NLGN4X: variants seen among roughly 807,000 people sequenced by gnomAD.
NLGN4X encodes the protein neuroligin-4, X-linked.
Under a neutral mutation model 40.3 loss-of-function variants are expected in NLGN4X, and 3 were observed. That is an observed-to-expected ratio of 0.07 (90% CI 0.03 to 0.19). The LOEUF is 0.19. Among genes scored for constraint, NLGN4X ranks in the 10% least tolerant of loss-of-function variants. NLGN4X has a pLI of 1.00. For missense variants in NLGN4X, 382 were observed against 708.3 expected, an observed-to-expected ratio of 0.54 and a Z score of 5.23; for synonymous variants, 270 against 306.8, an observed-to-expected ratio of 0.88 and a Z score of 1.25.
chrX:6,150,401 C>A (rs185685832), intron 2 of NLGN4X, among the ~76,000 whole-genome samples: 1 of 112,083 alleles, frequency 8.9e-6, no homozygotes, highest in Non-Finnish European at 1.9e-5. Flanking sequence ...TTACATTTTG[C>A]CACTTGATTG....
chrX:6,021,197 C>T (rs1286331429), intron 3 of NLGN4X, among the ~76,000 whole-genome samples: 1 of 107,084 alleles, frequency 9.3e-6, no homozygotes, highest in African/African-American at 3.4e-5. Context: ...CCACCTTGGC[C>T]TCCCACAGTG....
At chrX:6,122,299 C>T (rs1284864047) in intron 2 of NLGN4X, among the ~76,000 whole-genome samples, 2 of 111,579 alleles carry the variant, frequency 1.8e-5, no homozygotes, top group Non-Finnish European at 3.8e-5. Context: ...AGTGCAGTGG[C>T]ACAATCTCTG....
intron 3 of NLGN4X, among the ~76,000 whole-genome samples, chrX:5,961,182 G>C (rs1196351280): frequency 9.0e-6 from 1 of 111,325 alleles, no homozygotes; most frequent in African/African-American, 3.3e-5. Flanking sequence ...TTTAAACAAA[G>C]ATACAATAAT....
chrX:6,005,366 T>G, intron 3 of NLGN4X, among the ~76,000 whole-genome samples: 1 of 111,790 alleles, frequency 8.9e-6, no homozygotes, highest in Non-Finnish European at 1.9e-5. Flanking sequence ...ACATGCCATC[T>G]GGGTGCCAAC....
intron 1 of NLGN4X, among the ~76,000 whole-genome samples, chrX:6,213,260 A>G (rs1924778954): frequency 9.0e-6 from 1 of 111,677 alleles, no homozygotes; most frequent in Admixed American, 9.5e-5. Flanking sequence ...CCTGTCTAAA[A>G]CATCAGACTG....
intron 2 of NLGN4X, among the ~76,000 whole-genome samples, chrX:6,053,152 G>A (rs2037534445): frequency 8.9e-6 from 1 of 111,789 alleles, no homozygotes; most frequent in African/African-American, 3.3e-5. Flanking sequence ...CTGAAGCTGC[G>A]CTGTCTGCCA....
intron 2 of NLGN4X, among the ~76,000 whole-genome samples, chrX:6,064,930 G>T (rs5915631): frequency 0.41 from 44,989 of 109,857 alleles, 6,963 homozygotes; most frequent in Admixed American, 0.47. Flanking sequence ...ATACTATATA[G>T]CCATAAAAAG....
Position 5,893,465 on chromosome X carries a change from G to A in NLGN4X, c.1803C>T (p.Asn601=), listed in dbSNP as rs763534276. ...LELVPHLHNL[N]EIFQYVSTTT... is the part of the protein sequence containing the mutation. The stretch of plus-strand genomic sequence containing the variant: ...TTGTTGAAACATACTGGAATATCTC[G>A]TTCAAGTTGTGCAAATGAGGAACGA... The change falls in exon 6 of 6, where the codon AAC becomes AAT. Residue 601 remains asparagine (N), a synonymous_variant. Coordinates refer to ENST00000381095, the MANE Select transcript of NLGN4X (RefSeq NM_181332.3). The A allele has an allele frequency of 2.3e-5, 28 of 1,201,451 alleles. No homozygotes were observed. Among genetic ancestry groups the A allele is most frequent in the South Asian group, 1.4e-4 (8 of 56,733 alleles).
At chrX:5,976,983 T>C (rs2035196932) in intron 3 of NLGN4X, among the ~76,000 whole-genome samples, 1 of 112,218 alleles carries the variant, frequency 8.9e-6, no homozygotes, top group Admixed American at 9.4e-5. Flanking sequence ...GCATGAGGAA[T>C]ATTGGTAAAG....
chrX:6,181,741 C>G (rs766506996), intron 1 of NLGN4X, among the ~76,000 whole-genome samples: 1 of 112,297 alleles, frequency 8.9e-6, no homozygotes, highest in East Asian at 2.8e-4. Flanking sequence ...AATACTGCCA[C>G]ACTGAGAATT....
chrX:6,041,910 C>T (rs1376084575), intron 2 of NLGN4X, among the ~76,000 whole-genome samples: 1 of 112,437 alleles, frequency 8.9e-6, no homozygotes, highest in African/African-American at 3.2e-5. Flanking sequence ...ACTAATTCTC[C>T]TCTTCAAGCA....
chrX:5,971,693 A>G (rs993519269), intron 3 of NLGN4X, among the ~76,000 whole-genome samples: 1 of 111,900 alleles, frequency 8.9e-6, no homozygotes, highest in Non-Finnish European at 1.9e-5. Flanking sequence ...CTACTGCTCA[A>G]ATCCTCATTT....
chrX:5,892,556 A>C lies in NLGN4X; in HGVS notation c.*261T>G, dbSNP rs1008593344. On this transcript the variant is annotated 3_prime_UTR_variant, in exon 6 of 6. Transcript: ENST00000381095. ...ATCGATTGGAGTGGTAGAGATCTTAAAGCAGTTATTTTAACAGAAATGTGT... is the reference window on the plus strand; with the variant it reads ...ATCGATTGGAGTGGTAGAGATCTTACAGCAGTTATTTTAACAGAAATGTGT... The C allele has an allele frequency of 2.6e-6, 1 of 378,218 alleles. No individual in the cohort carries two copies. The highest frequency in any genetic ancestry group is 2.6e-5 in the African/African-American group (1 of 39,141). The allele number at this position is 378,218 out of a possible 1,213,427, so 31.2% of individuals were successfully genotyped here. A position where few individuals can be genotyped will look rare whatever the true frequency, so the allele number is the denominator to read the frequency against.
chrX:6,017,526 G>T (rs950040444), intron 3 of NLGN4X, among the ~76,000 whole-genome samples: 7 of 111,559 alleles, frequency 6.3e-5, no homozygotes, highest in Non-Finnish European at 1.3e-4. Context: ...CAAAAGCACA[G>T]GATGGATTTA....
At chrX:6,144,532 C>T (rs771942840) in intron 2 of NLGN4X, among the ~76,000 whole-genome samples, 1 of 111,352 alleles carries the variant, frequency 9.0e-6, no homozygotes, top group African/African-American at 3.3e-5. Flanking sequence ...GGAGGGCTGT[C>T]GGGCTCCTTG....
intron 2 of NLGN4X, among the ~76,000 whole-genome samples, chrX:6,139,902 G>A (rs2039906343): frequency 1.8e-5 from 2 of 111,468 alleles, no homozygotes; most frequent in Non-Finnish European, 1.9e-5. Context: ...AATAAGGAAT[G>A]GAAAAGAGAA....
rs763980075 is a variant in NLGN4X, at chrX:5,962,936, C to A, written c.626-53697G>T. Among the ~76,000 whole-genome samples, 12 of 94,183 alleles carry A rather than the reference C, an allele frequency of 1.3e-4. No homozygotes were observed. In the East Asian group the frequency reaches 3.6e-3, roughly 28 times the overall value. The allele number at this position is 94,183 out of a possible 115,157, so 81.8% of individuals were successfully genotyped here. A position where few individuals can be genotyped will look rare whatever the true frequency, so the allele number is the denominator to read the frequency against. On this transcript the variant is annotated intron_variant, in intron 3 of 5. Coordinates refer to ENST00000381095, the MANE Select transcript of NLGN4X (RefSeq NM_181332.3). ...ATGTCTGTTGTTTATTACCCCCCCC[C>A]ACCCCCACCCCCAGACTATGGTATT...
intron 2 of NLGN4X, among the ~76,000 whole-genome samples, chrX:6,139,726 T>C (rs149795230): frequency 1.8e-3 from 200 of 111,942 alleles, no homozygotes; most frequent in African/African-American, 5.9e-3. Context: ...GTTGGTTTAG[T>C]TGGGTCACAT....
intron 1 of NLGN4X, among the ~76,000 whole-genome samples, chrX:6,167,760 C>A: frequency 8.9e-6 from 1 of 111,807 alleles, no homozygotes; most frequent in South Asian, 3.7e-4. Flanking sequence ...ATGAAAGGAT[C>A]AACGTTATAG....
Sources: allele counts gnomAD v4.1 joint callset (sites outside exome capture counted in the v4.1 genomes callset), GRCh38; gene constraint gnomAD v4.1.1; transcripts MANE v1.5; gene names NCBI Gene and HGNC (gene_info 2026-07-23, HGNC 2026-07-21).